GPR89B: variants seen among roughly 807,000 people sequenced by gnomAD.
GPR89B encodes the protein G protein-coupled receptor 89B.
GPR89B carries 25 observed loss-of-function variants against 52.4 expected under a neutral mutation model. The observed-to-expected ratio is 0.48, with a 90% CI of 0.35 to 0.67. The LOEUF is 0.67. Ranked by LOEUF, GPR89B falls within the 30% of genes least tolerant of loss-of-function variation. GPR89B has a pLI of 0.01. For synonymous variants in GPR89B, 52 were observed against 151.2 expected (o/e 0.34, Z 4.81); for missense variants, 146 against 450.2 (o/e 0.32, Z 6.11).
intron 3 of GPR89B, among the ~76,000 whole-genome samples, chr1:147,942,123 T>C (rs587734979): frequency 2.6e-5 from 4 of 152,174 alleles, no homozygotes; most frequent in Non-Finnish European, 5.9e-5. Context: ...TTTAATAATA[T>C]AATACAATTA....
At chr1:148,021,498 C>T in the GPR89B span, among the ~76,000 whole-genome samples, 4 of 151,404 alleles carry the variant, frequency 2.6e-5, no homozygotes, top group Non-Finnish European at 4.4e-5. Flanking sequence ...CGAGACTCCC[C>T]GAAAGGAGAG....
the GPR89B span, among the ~76,000 whole-genome samples, chr1:148,023,411 G>A: frequency 2.8e-3 from 410 of 146,004 alleles, 33 homozygotes; most frequent in Non-Finnish European, 3.2e-3. Flanking sequence ...TCATAGGAGC[G>A]CATGTGTCTT....
At chr1:147,935,168 G>C (rs1489420776) in intron 1 of GPR89B, among the ~76,000 whole-genome samples, 16 of 152,176 alleles carry the variant, frequency 1.1e-4, no homozygotes, top group African/African-American at 3.9e-4. Flanking sequence ...GGGCCTTCCA[G>C]GGGGAGTAAA....
At chr1:148,018,858 G>T in the GPR89B span, among the ~76,000 whole-genome samples, 35 of 151,738 alleles carry the variant, frequency 2.3e-4, no homozygotes, top group African/African-American at 8.0e-4. Context: ...TAGAAACGGG[G>T]TTTCTCCATG....
At chr1:148,023,506 G>A in the GPR89B span, among the ~76,000 whole-genome samples, 1 of 137,700 alleles carries the variant, frequency 7.3e-6, no homozygotes, top group Non-Finnish European at 1.5e-5. Context: ...TAGGTTCTTT[G>A]AGAAATCTCC....
intron 10 of GPR89B, among the ~76,000 whole-genome samples, chr1:147,970,178 T>A (rs1328788276): frequency 6.6e-6 from 1 of 151,972 alleles, no homozygotes; most frequent in East Asian, 1.9e-4. Flanking sequence ...TCAGAAATTG[T>A]TAATAAGGCC....
At chr1:147,994,660 G>A (rs1232958246), downstream of GPR89B, among the ~76,000 whole-genome samples, 1 of 152,132 alleles carries the variant, frequency 6.6e-6, no homozygotes, top group Non-Finnish European at 1.5e-5. Context: ...ATTCCTTAAT[G>A]TCTGTGTATA....
chr1:148,011,314 C>T, the GPR89B span: 3 of 152,212 alleles, frequency 2.0e-5, no homozygotes, highest in Non-Finnish European at 2.9e-5. Flanking sequence ...TACATTTCCT[C>T]TGCTCAAAGC....
downstream of GPR89B, among the ~76,000 whole-genome samples, chr1:147,995,322 TG>T (rs1178078117): frequency 6.6e-6 from 1 of 150,472 alleles, no homozygotes; most frequent in African/African-American, 2.5e-5. Context: ...CAGGCTCTTT[TG>T]GGGGTTCCCA....
chr1:147,977,563 C>G (rs1451047895), intron 10 of GPR89B, among the ~76,000 whole-genome samples: 15 of 151,722 alleles, frequency 9.9e-5, no homozygotes, highest in Non-Finnish European at 2.1e-4. Flanking sequence ...TGGATGATAT[C>G]CTGAAGTATG....
intron 12 of GPR89B, among the ~76,000 whole-genome samples, chr1:147,990,185 G>A (rs1382526013): frequency 1.3e-4 from 20 of 152,282 alleles, no homozygotes; most frequent in African/African-American, 4.8e-4. Context: ...ATCTCATTGT[G>A]GTTTTGATTT....
At chr1:147,994,990 C>T (rs1424750353), downstream of GPR89B, among the ~76,000 whole-genome samples, 27 of 152,134 alleles carry the variant, frequency 1.8e-4, no homozygotes, top group Non-Finnish European at 3.4e-4. Context: ...AAATATAAAA[C>T]TGAGACTTAC....
At chr1:147,950,697 G>A (rs1212943281) in intron 5 of GPR89B, among the ~76,000 whole-genome samples, 1 of 152,182 alleles carries the variant, frequency 6.6e-6, no homozygotes, top group Non-Finnish European at 1.5e-5. Flanking sequence ...TCGGGAGGCC[G>A]AGGCTGGCGG....
At chr1:148,012,204 C>T in the GPR89B span, 19,242 of 150,408 alleles carry the variant, frequency 0.13, 1,643 homozygotes, top group Admixed American at 0.24. Flanking sequence ...TGAGAATTTC[C>T]TGAGTAAACT....
At chr1:147,950,365 C>T (rs1372972274) in intron 5 of GPR89B, among the ~76,000 whole-genome samples, 1 of 151,304 alleles carries the variant, frequency 6.6e-6, no homozygotes, top group Non-Finnish European at 1.5e-5. Context: ...TCCTCACTTC[C>T]TAGATGGGAT....
intron 5 of GPR89B, among the ~76,000 whole-genome samples, chr1:147,952,568 G>A (rs1655802160): frequency 6.6e-6 from 1 of 152,132 alleles, no homozygotes; most frequent in African/African-American, 2.4e-5. Context: ...TTTGACCATA[G>A]GAGTGGATGG....
the GPR89B span, among the ~76,000 whole-genome samples, chr1:148,018,818 G>A: frequency 6.6e-6 from 1 of 150,564 alleles, no homozygotes; most frequent in Non-Finnish European, 1.5e-5. Context: ...AGGCATGTGC[G>A]ACCATACCCA....
intron 2 of GPR89B, among the ~76,000 whole-genome samples, chr1:147,937,369 G>A (rs1654177210): frequency 6.6e-6 from 1 of 152,176 alleles, no homozygotes; most frequent in African/African-American, 2.4e-5. Flanking sequence ...ATGAGGGTCT[G>A]TGTCCCACTG....
At position 147,986,295 on chromosome 1, in the gene GPR89B, G is replaced by T. The variant is rs1352871388; in HGVS notation, c.1005+1G>T. The T allele has an allele frequency of 6.2e-7, 1 of 1,610,888 alleles. No homozygotes were observed. Among genetic ancestry groups the T allele is most frequent in the East Asian group, 2.2e-5 (1 of 44,838 alleles). ...GAATTATCTGGGAATCCAATTTGATGTAAGTGTTATATCAAGATCCTGGTT... is the reference window on the plus strand; with the variant it reads ...GAATTATCTGGGAATCCAATTTGATTTAAGTGTTATATCAAGATCCTGGTT... On this transcript the variant is annotated splice_donor_variant, in intron 11 of 13. Transcript: ENST00000314163. LOFTEE classifies it high-confidence loss of function.
Sources: gnomAD v4.1 joint callset for allele counts (sites outside exome capture counted in the v4.1 genomes callset) on GRCh38, gnomAD v4.1.1 for gene constraint, MANE v1.5 for transcripts, NCBI Gene and HGNC (gene_info 2026-07-23, HGNC 2026-07-21) for gene names.